ROS1: variants seen among roughly 807,000 people sequenced by gnomAD.
The protein encoded by ROS1 is ROS proto-oncogene 1, receptor tyrosine kinase.
Under a neutral mutation model 273.5 loss-of-function variants are expected in ROS1, and 263 were observed. The ratio of observed to expected loss-of-function variants is 0.96; its 90% CI spans 0.87 to 1.06. ROS1 has a LOEUF of 1.06. ROS1 is among the 50% of genes least tolerant of loss of function. The pLI is 0.00. For missense variants in ROS1, 2,833 were observed against 2,751.1 expected (o/e 1.03, Z -0.67); for synonymous variants, 1,008 against 954.1 (o/e 1.06, Z -1.04).
chr6:117,372,656 G>C (rs13216400), intron 18 of ROS1, among the ~76,000 whole-genome samples: 9,812 of 152,194 alleles, frequency 0.064, 374 homozygotes, highest in Middle Eastern at 0.099. Flanking sequence ...AGCTCTTAAG[G>C]TGGCGCATCT....
chr6:117,357,213 T>C (rs1779394168), intron 25 of ROS1, among the ~76,000 whole-genome samples: 1 of 152,206 alleles, frequency 6.6e-6, no homozygotes, highest in Non-Finnish European at 1.5e-5. Flanking sequence ...AAAATATATT[T>C]GCTAATTTTC....
At chr6:117,350,248 C>T (rs1207918737) in intron 27 of ROS1, among the ~76,000 whole-genome samples, 2 of 151,984 alleles carry the variant, frequency 1.3e-5, no homozygotes, top group African/African-American at 2.4e-5. Flanking sequence ...AGGATAATTT[C>T]ACAGGGTATG....
chr6:117,318,483 TC>T (rs1776071219), intron 37 of ROS1, among the ~76,000 whole-genome samples: 1 of 152,152 alleles, frequency 6.6e-6, no homozygotes, highest in Non-Finnish European at 1.5e-5. Flanking sequence ...ACAATATTCC[TC>T]CAAAAGGTAG....
Position 117,326,395 on chromosome 6 carries a change from A to C in ROS1, c.5368T>G (p.Leu1790Val), listed in dbSNP as rs766461873. 1 of 1,553,174 alleles carries C rather than the reference A, an allele frequency of 6.4e-7. No individual in the cohort carries two copies. Among genetic ancestry groups the C allele is most frequent in the East Asian group, 2.4e-5 (1 of 41,442 alleles). ...TTCCACCTTAAATTCTGGTTCTGTA[A>C]ATTATTTGAAGTGCTCTTTCTGCAA... Reference protein sequence around the residue: ...LEIRKSTSNNLQNQNLRWKMT... With the variant: ...LEIRKSTSNNVQNQNLRWKMT... The change falls in exon 34 of 44, where the codon TTA becomes GTA. Residue 1790 changes from leucine (L) to valine (V), a missense_variant. Transcript: ENST00000368507.
chr6:117,349,768 C>T (rs1011222483), intron 27 of ROS1, among the ~76,000 whole-genome samples: 4 of 151,812 alleles, frequency 2.6e-5, no homozygotes, highest in African/African-American at 9.7e-5. Flanking sequence ...AGTGATTTGC[C>T]CTTGAATTTG....
At chr6:117,381,555 G>A (rs752504307) in intron 17 of ROS1, among the ~76,000 whole-genome samples, 1 of 152,052 alleles carries the variant, frequency 6.6e-6, no homozygotes, top group Non-Finnish European at 1.5e-5. Flanking sequence ...CCAAATTGCT[G>A]CAAAAGACAT....
chr6:117,322,356 T>C (rs1776343376), intron 35 of ROS1, among the ~76,000 whole-genome samples: 1 of 152,158 alleles, frequency 6.6e-6, no homozygotes. Context: ...TCTACTAATC[T>C]TTCATATCTG....
chr6:117,388,306 G>T (rs1221024865), intron 13 of ROS1, among the ~76,000 whole-genome samples: 1 of 151,958 alleles, frequency 6.6e-6, no homozygotes, highest in African/African-American at 2.4e-5. Flanking sequence ...ATATAATCAG[G>T]CTCTTAATAA....
chr6:117,328,944 A>G, intron 33 of ROS1: 1 of 597,030 alleles, frequency 1.7e-6, no homozygotes, highest in Non-Finnish European at 3.3e-6. Flanking sequence ...ACCATTTCTC[A>G]CTAGAGAGTA....
At chr6:117,349,166 A>G (rs1229007201) in intron 27 of ROS1, among the ~76,000 whole-genome samples, 2 of 151,968 alleles carry the variant, frequency 1.3e-5, no homozygotes, top group Non-Finnish European at 2.9e-5. Flanking sequence ...CCCATTTCTG[A>G]TAGATGTCGT....
intron 24 of ROS1, 110 bp from the exon 25 acceptor site, chr6:117,358,119 C>T: frequency 4.3e-6 from 3 of 690,648 alleles, no homozygotes; most frequent in Admixed American, 2.7e-5. Flanking sequence ...CATTTGTAAT[C>T]CCAAACCTCA....
rs560817134 is a variant in ROS1, at chr6:117,352,574, C to T, written c.4303+416G>A. 7.2e-5 allele frequency among the ~76,000 whole-genome samples: 11 copies of T among 152,096 alleles called. No homozygotes were observed. The South Asian group carries it at 2.3e-3, about 32-fold the overall frequency. ...ATATTAATACTTAGTGATTTGATAC[C>T]TAATACTGCATACTGCATAGTAACA... On this transcript the variant is annotated intron_variant, in intron 27 of 43. Coordinates refer to ENST00000368507, the MANE Select transcript of ROS1 (RefSeq NM_001378902.1).
At chr6:117,350,864 T>C (rs1484600675) in intron 27 of ROS1, among the ~76,000 whole-genome samples, 2 of 152,172 alleles carry the variant, frequency 1.3e-5, no homozygotes, top group Admixed American at 6.5e-5. Context: ...TCCATATCTT[T>C]GCTCACATTG....
chr6:117,385,972 AC>A (rs903069357), intron 15 of ROS1, 111 bp from the exon 16 acceptor site: 2 of 783,466 alleles, frequency 2.6e-6, no homozygotes, highest in Non-Finnish European at 4.2e-6. Flanking sequence ...ACACACTGAC[AC>A]ATATTCACTA....
At chr6:117,314,408 C>T (rs1347388277) in intron 39 of ROS1, among the ~76,000 whole-genome samples, 1 of 152,076 alleles carries the variant, frequency 6.6e-6, no homozygotes, top group African/African-American at 2.4e-5. Context: ...ACTATGGAAG[C>T]TCATAGTCTC....
chr6:117,397,161 C>T (rs371671682), intron 7 of ROS1, 45 bp from the exon 8 acceptor site: 5 of 1,239,852 alleles, frequency 4.0e-6, no homozygotes, highest in African/African-American at 1.5e-5. Flanking sequence ...AATGTGCAAG[C>T]ATGATGTTTT....
At chr6:117,312,208 A>G (rs1482594269) in intron 39 of ROS1, among the ~76,000 whole-genome samples, 1 of 151,974 alleles carries the variant, frequency 6.6e-6, no homozygotes, top group African/African-American at 2.4e-5. Context: ...TTCTCCTGGA[A>G]TGTGCTCCTG....
rs540844266 is a variant in ROS1 at position 117,334,579 on chromosome 6, T to A, written c.5230+2593A>T. Reference sequence around the variant, plus strand: ...AAGAACAAACTTGGAGGCATCATGCTACCTGACTTCAAACTATATTACAAA... The same window carrying A: ...AAGAACAAACTTGGAGGCATCATGCAACCTGACTTCAAACTATATTACAAA... On this transcript the variant is annotated intron_variant, in intron 32 of 43. Coordinates refer to ENST00000368507, the MANE Select transcript of ROS1 (RefSeq NM_001378902.1). 5.3e-5 allele frequency among the ~76,000 whole-genome samples: 8 copies of A among 152,344 alleles called. No homozygotes were observed. In the East Asian group the frequency reaches 1.5e-3, roughly 29 times the overall value.
intron 17 of ROS1, among the ~76,000 whole-genome samples, chr6:117,381,226 TATATA>T (rs1160200527): frequency 6.6e-6 from 1 of 151,522 alleles, no homozygotes; most frequent in African/African-American, 2.4e-5. Context: ...TTGCTTTTAT[TATATA>T]TATATTTTTA....
Sources: gnomAD v4.1 joint callset for allele counts (sites outside exome capture counted in the v4.1 genomes callset) on GRCh38, gnomAD v4.1.1 for gene constraint, MANE v1.5 for transcripts, NCBI Gene and HGNC (gene_info 2026-07-23, HGNC 2026-07-21) for gene names.